The following ADD2 variants were observed in gnomAD, a reference collection of about 807,000 sequenced individuals.
ADD2 encodes adducin 2, also known as beta-adducin.
A neutral mutation model predicts 83.0 loss-of-function variants in ADD2; 23 were observed. The observed-to-expected ratio is 0.28, with a 90% CI of 0.20 to 0.39. The LOEUF is 0.39. Ranked by LOEUF, ADD2 falls within the 10% of genes least tolerant of loss-of-function variation. ADD2 has a pLI of 1.00. For missense variants in ADD2, 758 were observed against 944.9 expected (o/e 0.80, Z 2.59); for synonymous variants, 375 against 375.4 (o/e 1.00, Z 0.01).
At chr2:70,689,256 C>T (rs369874285) in intron 8 of ADD2, among the ~76,000 whole-genome samples, 4 of 152,310 alleles carry the variant, frequency 2.6e-5, no homozygotes, top group African/African-American at 9.6e-5. Flanking sequence ...AGCACAACTC[C>T]CCAAAGTTCA....
chr2:70,732,983 C>G (rs1673358961), intron 1 of ADD2, among the ~76,000 whole-genome samples: 2 of 152,158 alleles, frequency 1.3e-5, no homozygotes, highest in Non-Finnish European at 2.9e-5. Flanking sequence ...GATCTGCCTT[C>G]CCCTGCTAAT....
At chr2:70,729,785 C>A (rs1553378974) in intron 1 of ADD2, among the ~76,000 whole-genome samples, 1 of 152,128 alleles carries the variant, frequency 6.6e-6, no homozygotes, top group Non-Finnish European at 1.5e-5. Context: ...ACTATTTAAA[C>A]CTTGTTTCTG....
intron 1 of ADD2, among the ~76,000 whole-genome samples, chr2:70,717,310 G>C (rs1319622434): frequency 6.6e-6 from 1 of 152,176 alleles, no homozygotes; most frequent in African/African-American, 2.4e-5. Flanking sequence ...CATTTCTATG[G>C]ATCGTTCCTT....
chr2:70,711,933 G>T (rs1672198499), intron 2 of ADD2, among the ~76,000 whole-genome samples: 1 of 152,188 alleles, frequency 6.6e-6, no homozygotes, highest in Non-Finnish European at 1.5e-5. Flanking sequence ...GGTGGGGATG[G>T]TCATATTGGT....
At chr2:70,724,569 C>T (rs1672887133) in intron 1 of ADD2, among the ~76,000 whole-genome samples, 1 of 152,212 alleles carries the variant, frequency 6.6e-6, no homozygotes, top group African/African-American at 2.4e-5. Flanking sequence ...CTCCCCCAAG[C>T]TCCCCACAAG....
rs1675508252 is a variant in ADD2 at position 70,768,139 on chromosome 2, T to G, written c.-407A>C. 1.6e-6 allele frequency: 1 copy of G among 638,396 alleles called. No homozygotes were observed. The highest frequency in any genetic ancestry group is 2.7e-6 in the Non-Finnish European group (1 of 372,066). The allele number at this position is 638,396 out of a possible 1,614,324, so 39.5% of individuals were successfully genotyped here. A position where few individuals can be genotyped will look rare whatever the true frequency, so the allele number is the denominator to read the frequency against. Reference sequence around the variant, plus strand: ...GACAAAAGGCTCGGGTTCCCGCTAGTCCCTCACAGCCCTGCCGTCAGAATT... The same window carrying G: ...GACAAAAGGCTCGGGTTCCCGCTAGGCCCTCACAGCCCTGCCGTCAGAATT... On this transcript the variant is annotated 5_prime_UTR_variant, in exon 1 of 16. Transcript: ENST00000264436.
At chr2:70,714,138 T>C (rs782580588) in intron 1 of ADD2, among the ~76,000 whole-genome samples, 9 of 152,192 alleles carry the variant, frequency 5.9e-5, no homozygotes, top group Non-Finnish European at 1.0e-4. Flanking sequence ...AATCAAGGTC[T>C]TCAAAGCATT....
intron 15 of ADD2, among the ~76,000 whole-genome samples, chr2:70,664,744 T>G (rs782444028): frequency 8.3e-6 from 1 of 120,224 alleles, no homozygotes; most frequent in African/African-American, 3.4e-5. Flanking sequence ...TGCAAGTGTG[T>G]GTGTGGGTGT....
At chr2:70,731,681 T>C (rs1297858617) in intron 1 of ADD2, among the ~76,000 whole-genome samples, 2 of 152,190 alleles carry the variant, frequency 1.3e-5, no homozygotes, top group Non-Finnish European at 2.9e-5. Context: ...CCAATGATCA[T>C]GTGTGGCTGC....
chr2:70,692,382 G>A (rs1671087972), intron 7 of ADD2, 21 bp downstream of exon 7: 11 of 1,517,428 alleles, frequency 7.2e-6, no homozygotes, highest in Non-Finnish European at 8.9e-6. Flanking sequence ...TCCTTGGGTG[G>A]CTGAGAAGGA....
intron 1 of ADD2, among the ~76,000 whole-genome samples, chr2:70,722,475 T>C (rs1672779840): frequency 6.6e-6 from 1 of 152,226 alleles, no homozygotes; most frequent in African/African-American, 2.4e-5. Flanking sequence ...GCCTTTTACA[T>C]GGTGGGTGGC....
intron 10 of ADD2, 121 bp downstream of exon 10, chr2:70,683,470 G>T: frequency 2.8e-6 from 3 of 1,074,474 alleles, no homozygotes; most frequent in African/African-American, 1.6e-5. Context: ...CATCAATGAG[G>T]CTTCAACAAC....
intron 15 of ADD2, among the ~76,000 whole-genome samples, chr2:70,669,303 T>C (rs1669804277): frequency 6.6e-6 from 1 of 152,222 alleles, no homozygotes; most frequent in Admixed American, 6.5e-5. Context: ...TTTAGTGTTG[T>C]CCTCACAATA....
Position 70,662,124 on chromosome 2 carries a change from C to T in ADD2, c.*1301G>A, listed in dbSNP as rs1237606911. On this transcript the variant is annotated 3_prime_UTR_variant, in exon 16 of 16. Transcript: ENST00000264436. ...AAAGGAAAAATATTCTTTCAAGACA[C>T]GGTGCTTTCAAGAGAATGGATTGTC... The T allele has an allele frequency of 2.0e-5, 3 of 152,194 alleles. No homozygotes were observed. The highest frequency in any genetic ancestry group is 4.1e-4 in the South Asian group (2 of 4,832). The allele number at this position is 152,194 out of a possible 1,614,324, so 9.4% of individuals were successfully genotyped here.
At chr2:70,759,284 A>G (rs1489903826) in intron 1 of ADD2, among the ~76,000 whole-genome samples, 1 of 152,212 alleles carries the variant, frequency 6.6e-6, no homozygotes, top group Non-Finnish European at 1.5e-5. Flanking sequence ...AATACATTAC[A>G]GGTATTTACT....
intron 10 of ADD2, among the ~76,000 whole-genome samples, chr2:70,682,199 G>A (rs935174655): frequency 7.2e-5 from 11 of 152,124 alleles, no homozygotes; most frequent in South Asian, 4.2e-4. Flanking sequence ...TTTCATCAAC[G>A]TTCAAAGAAA....
At chr2:70,668,168 T>A (rs1369658868) in intron 15 of ADD2, among the ~76,000 whole-genome samples, 2 of 152,184 alleles carry the variant, frequency 1.3e-5, no homozygotes, top group Non-Finnish European at 2.9e-5. Context: ...GGAGACAACA[T>A]ACTCTTCAGC....
At chr2:70,665,827 T>TTTTTTTTTTTTTTC (rs1172785596) in intron 15 of ADD2, among the ~76,000 whole-genome samples, 6 of 151,636 alleles carry the variant, frequency 4.0e-5, no homozygotes, top group African/African-American at 1.5e-4. Context: ...TGTTTTTTTT[T>TTTTTTTTTTTTTTC]TTTTCCCGAA....
In ADD2 at chr2:70,674,635, C is replaced by G. The variant is rs1466601682; in HGVS notation, c.1741+43G>C. 2.5e-6 allele frequency: 4 copies of G among 1,593,506 alleles called. No homozygotes were observed. The South Asian group carries it at 3.4e-5, about 14-fold the overall frequency. ...GGTAGTCCTGAGCTCTCCCCTCCAC[C>G]CTGGGGGACTTGGAAGCAAGGGTGT... On this transcript the variant is annotated intron_variant, in intron 14 of 15. Coordinates refer to ENST00000264436, the MANE Select transcript of ADD2 (RefSeq NM_001617.4).
Sources: allele counts gnomAD v4.1 joint callset (sites outside exome capture counted in the v4.1 genomes callset), GRCh38; gene constraint gnomAD v4.1.1; transcripts MANE v1.5; gene names NCBI Gene and HGNC (gene_info 2026-07-23, HGNC 2026-07-21).